AVL9: variants seen among roughly 807,000 people sequenced by gnomAD.
AVL9 encodes the protein AVL9 cell migration associated, also known as late secretory pathway protein AVL9 homolog.
In AVL9, 49 loss-of-function variants were observed where a neutral mutation model predicts 79.2. That is an observed-to-expected ratio of 0.62 (90% CI 0.49 to 0.79). The LOEUF is 0.79. Among genes scored for constraint, AVL9 ranks in the 30% least tolerant of loss-of-function variants. AVL9 has a pLI of 0.00. For synonymous variants in AVL9, 299 were observed against 280.6 expected (o/e 1.07, Z -0.65); for missense variants, 682 against 776.8 (o/e 0.88, Z 1.45).
intron 11 of AVL9, among the ~76,000 whole-genome samples, chr7:32,571,352 A>AC (rs1583594410): frequency 2.0e-5 from 3 of 151,516 alleles, no homozygotes; most frequent in African/African-American, 7.3e-5. Flanking sequence ...ACATGGTGAA[A>AC]CCCCGTCTCT....
At chr7:32,561,074 C>A (rs778298612) in intron 10 of AVL9, among the ~76,000 whole-genome samples, 9 of 152,152 alleles carry the variant, frequency 5.9e-5, no homozygotes, top group Non-Finnish European at 1.3e-4. Context: ...AGAGCACAGG[C>A]AGCAGATTTA....
intron 8 of AVL9, 71 bp from the exon 9 acceptor site, chr7:32,558,488 C>CT (rs1485901059): frequency 2.3e-5 from 28 of 1,228,014 alleles, no homozygotes; most frequent in Non-Finnish European, 3.3e-5. Flanking sequence ...ATTTTTCCCT[C>CT]TTTTTTATTT....
intron 10 of AVL9, among the ~76,000 whole-genome samples, chr7:32,564,097 GTAGAGGGATT>G (rs1468085118): frequency 3.3e-5 from 5 of 152,146 alleles, no homozygotes; most frequent in African/African-American, 9.7e-5. Context: ...GAAATTAACT[GTAGAGGGATT>G]TAGGTTTTGT....
Position 32,558,937 on chromosome 7 carries a change from G to C in AVL9, c.688G>C (p.Glu230Gln). 10 of 1,576,788 alleles carry C rather than the reference G, an allele frequency of 6.3e-6. No individual in the cohort carries two copies. Among genetic ancestry groups the C allele is most frequent in the Non-Finnish European group, 8.6e-6 (10 of 1,164,206 alleles). Residue 230 changes from glutamate to glutamine, a missense_variant, in exon 10 of 16, where the codon GAA becomes CAA. Glu to Gln is a conservative substitution (Grantham distance 29). Transcript: ENST00000318709. Reference protein sequence around the residue: ...TVLSLFPGMIEHGLSDCSQYR... With the variant: ...TVLSLFPGMIQHGLSDCSQYR... ...GATATTGCATATTTTAGGCATGATT[G>C]AACATGGTCTCAGTGACTGTTCTCA...
At chr7:32,520,631 A>G (rs1288337722) in intron 1 of AVL9, among the ~76,000 whole-genome samples, 2 of 152,166 alleles carry the variant, frequency 1.3e-5, no homozygotes, top group Non-Finnish European at 2.9e-5. Context: ...ATGTAGGACT[A>G]CCTTTTTGAG....
intron 1 of AVL9, among the ~76,000 whole-genome samples, chr7:32,501,184 A>G (rs1350586900): frequency 1.3e-5 from 2 of 152,218 alleles, no homozygotes; most frequent in Non-Finnish European, 2.9e-5. Context: ...TGCTACAACT[A>G]TACTCAAGCC....
intron 1 of AVL9, among the ~76,000 whole-genome samples, chr7:32,496,676 A>G (rs370486834): frequency 3.9e-5 from 6 of 152,334 alleles, no homozygotes; most frequent in African/African-American, 1.4e-4. Flanking sequence ...TAAAAATAGT[A>G]ATTGCCACCA....
chr7:32,580,412 T>C (rs1562803178), intron 14 of AVL9, 140 bp downstream of exon 14: 1 of 682,010 alleles, frequency 1.5e-6, no homozygotes, highest in East Asian at 2.7e-5. Flanking sequence ...TAACATTCTT[T>C]AGCTCAGCAG....
At chr7:32,568,154 C>T (rs1417624015) in intron 10 of AVL9, among the ~76,000 whole-genome samples, 1 of 151,906 alleles carries the variant, frequency 6.6e-6, no homozygotes, top group African/African-American at 2.4e-5. Flanking sequence ...TGTGAGTCAT[C>T]GCGCCCAGCC....
rs1423049226 is a variant in AVL9 at position 32,495,608 on chromosome 7, C to G, written c.-102C>G. On this transcript the variant is annotated 5_prime_UTR_variant, in exon 1 of 16. Transcript: ENST00000318709. The stretch of plus-strand genomic sequence containing the variant: ...CCCTGTGCGGCCCTCATGTGCTGTG[C>G]TCGCTGACACCCGAAGTCCGCGGCT... The G allele has an allele frequency of 5.5e-6, 4 of 722,754 alleles. No homozygotes were observed. Among genetic ancestry groups the G allele is most frequent in the Non-Finnish European group, 7.8e-6 (4 of 509,588 alleles). The allele number at this position is 722,754 out of a possible 1,614,324, so 44.8% of individuals were successfully genotyped here.
chr7:32,539,402 C>T (rs983343258), intron 1 of AVL9: 2 of 152,140 alleles, frequency 1.3e-5, no homozygotes, highest in Admixed American at 6.5e-5. Context: ...ACTAAGAATG[C>T]TTTTTGTTCT....
At chr7:32,508,696 GCA>G (rs1248997264) in intron 1 of AVL9, among the ~76,000 whole-genome samples, 2 of 152,086 alleles carry the variant, frequency 1.3e-5, no homozygotes, top group African/African-American at 2.4e-5. Context: ...ACTCATTTGG[GCA>G]TCCAGTTGCC....
intron 1 of AVL9, chr7:32,537,213 A>G (rs927156884): frequency 6.6e-6 from 1 of 152,132 alleles, no homozygotes; most frequent in African/African-American, 2.4e-5. Flanking sequence ...CATAAACTCA[A>G]GTATGATTGA....
rs1583621332 is a variant in AVL9 at position 32,585,168 on chromosome 7, TTCCCTAACTGAAAG to T, written c.*1265_*1278del. ...CTTTTCAAAGCACTTAGTCTTCTAC[TTCCCTAACTGAAAG>T]TCCTCCTATAATCAATCCCTACCCC... On this transcript the variant is annotated 3_prime_UTR_variant, in exon 16 of 16. Transcript: ENST00000318709. 1 of 152,350 alleles carries T rather than the reference TTCCCTAACTGAAAG, an allele frequency of 6.6e-6. No individual in the cohort carries two copies. The highest frequency in any genetic ancestry group is 1.9e-4 in the East Asian group (1 of 5,178). 9.4% of individuals were successfully genotyped at this position (152,350 alleles called of 1,614,324 possible).
intron 1 of AVL9, among the ~76,000 whole-genome samples, chr7:32,527,511 G>A (rs1449652916): frequency 2.6e-5 from 4 of 151,400 alleles, no homozygotes; most frequent in Admixed American, 1.3e-4. Context: ...TTGTAACTTC[G>A]CCTTTGGTTT....
At chr7:32,515,963 T>G (rs1366989894) in intron 1 of AVL9, among the ~76,000 whole-genome samples, 1 of 152,202 alleles carries the variant, frequency 6.6e-6, no homozygotes, top group Non-Finnish European at 1.5e-5. Context: ...CTCTACCCTA[T>G]TCCTCCTTCC....
At chr7:32,567,348 C>T (rs534576993) in intron 10 of AVL9, among the ~76,000 whole-genome samples, 3 of 152,126 alleles carry the variant, frequency 2.0e-5, no homozygotes, top group Non-Finnish European at 4.4e-5. Flanking sequence ...GCAGTCTGCC[C>T]GCCTTGGCCT....
At chr7:32,559,666 G>A (rs1472063313) in intron 10 of AVL9, among the ~76,000 whole-genome samples, 1 of 152,092 alleles carries the variant, frequency 6.6e-6, no homozygotes, top group Non-Finnish European at 1.5e-5. Context: ...GATTTTGATT[G>A]GTAAATGTTT....
At chr7:32,562,448 GT>G (rs1478892753) in intron 10 of AVL9, 1 of 173,880 alleles carries the variant, frequency 5.8e-6, no homozygotes, top group African/African-American at 2.4e-5. Context: ...TTGGCTAATT[GT>G]TCTAACCCTA....
Sources: gnomAD v4.1 joint callset for allele counts (sites outside exome capture counted in the v4.1 genomes callset) on GRCh38, gnomAD v4.1.1 for gene constraint, MANE v1.5 for transcripts, NCBI Gene and HGNC (gene_info 2026-07-23, HGNC 2026-07-21) for gene names.